PNPLA2: variants seen among roughly 807,000 people sequenced by gnomAD.
The protein encoded by PNPLA2 is patatin-like phospholipase domain-containing protein 2.
PNPLA2 carries 28 observed loss-of-function variants against 39.7 expected under a neutral mutation model. The ratio of observed to expected loss-of-function variants is 0.70; its 90% CI spans 0.52 to 0.97. The LOEUF (loss-of-function observed/expected upper bound fraction) is 0.97. PNPLA2 is among the 50% of genes least tolerant of loss of function. PNPLA2 has a pLI of 0.00. For synonymous variants in PNPLA2, 392 were observed against 321.1 expected (o/e 1.22, Z -2.36); for missense variants, 768 against 698.2 (o/e 1.10, Z -1.13).
Position 824,118 on chromosome 11 carries a change from CCTT to C in PNPLA2, c.1042_1044del (p.Phe348del), listed in dbSNP as rs1365885268. 2 of 1,597,850 alleles carry C rather than the reference CCTT, an allele frequency of 1.3e-6. No individual in the cohort carries two copies. Among genetic ancestry groups the C allele is most frequent in the African/African-American group, 2.7e-5 (2 of 74,760 alleles). On this transcript the variant is annotated inframe_deletion, in exon 8 of 10. Coordinates refer to ENST00000336615, the MANE Select transcript of PNPLA2 (RefSeq NM_020376.4). ...ACGCTGCCGCTGGAGAGCGCTCTGT[CCTT>C]CACCATCCGGTGTGAGGGCTGGGGG...
chr11:824,020 G>A lies in PNPLA2; in HGVS notation c.942G>A (p.Glu314=), dbSNP rs1207406521. The A allele has an allele frequency of 1.2e-6, 2 of 1,609,630 alleles. No individual in the cohort carries two copies. Among genetic ancestry groups the A allele is most frequent in the Non-Finnish European group, 1.7e-6 (2 of 1,179,236 alleles). The part of the protein sequence containing the change: ...LNEALLEACV[E]PTDLLTTLSN... ...CAGCCCTGCTGGAGGCCTGCGTGGA[G>A]CCCACGGACCTGCTGACCACCCTCT... Residue 314 remains glutamate, a synonymous_variant, in exon 8 of 10, where the codon GAG becomes GAA. Transcript: ENST00000336615.
In PNPLA2 at chr11:824,371, G is replaced by C; in HGVS notation, c.1110G>C (p.Thr370=). Residue 370 remains threonine (T), a synonymous_variant, in exon 9 of 10, where the codon ACG becomes ACC. Coordinates refer to ENST00000336615, the MANE Select transcript of PNPLA2 (RefSeq NM_020376.4). The part of the protein sequence containing the change: ...PEDIRWMKEQ[T]GSICQYLVMR... The stretch of plus-strand genomic sequence containing the variant: ...ACATCCGGTGGATGAAGGAGCAGAC[G>C]GGCAGCATCTGCCAGTACCTGGTGA... 1 of 1,551,468 alleles carries C rather than the reference G, an allele frequency of 6.4e-7. No homozygotes were observed. The highest frequency in any genetic ancestry group is 8.7e-7 in the Non-Finnish European group (1 of 1,147,714).
Position 819,661 on chromosome 11 carries a change from G to A in PNPLA2, c.-58G>A. The A allele has an allele frequency of 7.0e-7, 1 of 1,424,782 alleles. No homozygotes were observed. Among genetic ancestry groups the A allele is most frequent in the Non-Finnish European group, 9.2e-7 (1 of 1,083,176 alleles). The allele number at this position is 1,424,782 out of a possible 1,614,324, so 88.3% of individuals were successfully genotyped here. A position where few individuals can be genotyped will look rare whatever the true frequency, so the allele number is the denominator to read the frequency against. On this transcript the variant is annotated 5_prime_UTR_variant, in exon 2 of 10. Coordinates refer to ENST00000336615, the MANE Select transcript of PNPLA2 (RefSeq NM_020376.4). ...GGCTCCAGCGAGCGAGCGGCGAGCA[G>A]GCGGCTCACAGAGGCCTGGCCGCCC...
chr11:823,959 G>A (rs547562607), intron 7 of PNPLA2, 39 bp from the exon 8 acceptor site: 6 of 1,563,302 alleles, frequency 3.8e-6, no homozygotes, highest in African/African-American at 1.4e-5. Context: ...CCTGGGCCCC[G>A]CTGCCTCCAC....
In PNPLA2 at chr11:824,828, AGGCCCGGCCCGTGATCGG is replaced by A. The variant is rs747915336; in HGVS notation, c.1487_1504del (p.Arg496_Ala501del). ...CCCTTGCTGAGCACCCCTGCTCCCG[AGGCCCGGCCCGTGATCGG>A]GGCCCTGGGGCTGTGAGACCCCGAC... On this transcript the variant is annotated inframe_deletion, in exon 10 of 10. Coordinates refer to ENST00000336615, the MANE Select transcript of PNPLA2 (RefSeq NM_020376.4). The A allele has an allele frequency of 5.1e-5, 79 of 1,534,660 alleles. No homozygotes were observed. The highest frequency in any genetic ancestry group is 9.8e-5 in the Admixed American group (5 of 50,910).
Position 824,419 on chromosome 11 carries a change from C to A in PNPLA2, c.1158C>A (p.Gly386=). Residue 386 remains glycine (G), a synonymous_variant, in exon 9 of 10, where the codon GGC becomes GGA. Coordinates refer to ENST00000336615, the MANE Select transcript of PNPLA2 (RefSeq NM_020376.4). ...TGATGCGCGCCAAGAGGAAGCTGGG[C>A]AGGCACCTGCCCTCCAGGTGAGCCG... ...YLVMRAKRKL[G]RHLPSRLPEQ... 2 of 1,554,742 alleles carry A rather than the reference C, an allele frequency of 1.3e-6. No individual in the cohort carries two copies. The highest frequency in any genetic ancestry group is 4.8e-5 in the East Asian group (2 of 41,278).
intron 9 of PNPLA2, 22 bp from the exon 10 acceptor site, chr11:824,501 C>G: frequency 6.5e-7 from 1 of 1,544,718 alleles, no homozygotes; most frequent in Non-Finnish European, 8.7e-7. Flanking sequence ...GAAGCCCTCC[C>G]TGCCGCATCC....
In PNPLA2 at chr11:823,734, CG is replaced by C. The variant is rs1845756775; in HGVS notation, c.799del (p.Ala267ProfsTer53). On this transcript the variant is annotated frameshift_variant, in exon 7 of 10. Coordinates refer to ENST00000336615, the MANE Select transcript of PNPLA2 (RefSeq NM_020376.4). LOFTEE classifies it high-confidence loss of function. ...CCAACCCCTTGCTGGCGTTGCCCCC[CG>C]CCCGCCCCCACGGCCCAGAGGACAA... ...RPNPLLALPP[A>X]RPHGPEDKDQ... 3 of 1,606,502 alleles carry C rather than the reference CG, an allele frequency of 1.9e-6. No individual in the cohort carries two copies. The highest frequency in any genetic ancestry group is 2.5e-6 in the Non-Finnish European group (3 of 1,176,656).
At position 823,742 on chromosome 11, in the gene PNPLA2, C is replaced by A; in HGVS notation, c.806C>A (p.Pro269His). 2 of 1,607,648 alleles carry A rather than the reference C, an allele frequency of 1.2e-6. No homozygotes were observed. Among genetic ancestry groups the A allele is most frequent in the Non-Finnish European group, 1.7e-6 (2 of 1,177,368 alleles). ...NPLLALPPAR[P>H]HGPEDKDQAV... Reference sequence around the variant, plus strand: ...TTGCTGGCGTTGCCCCCCGCCCGCCCCCACGGCCCAGAGGACAAGGACCAG... The same window carrying A: ...TTGCTGGCGTTGCCCCCCGCCCGCCACCACGGCCCAGAGGACAAGGACCAG... Residue 269 changes from proline (P) to histidine (H), a missense_variant, in exon 7 of 10, where the codon CCC becomes CAC. Physicochemically the swap from Pro to His is moderately conservative, Grantham distance 77 (BLOSUM62 -2). Coordinates refer to ENST00000336615, the MANE Select transcript of PNPLA2 (RefSeq NM_020376.4).
Position 824,649 on chromosome 11 carries a change from C to G in PNPLA2, c.1302C>G (p.Ala434=), listed in dbSNP as rs762562745. Reference sequence around the variant, plus strand: ...ACCTCTCGCTGGGGGACGCGCTGGCCAAGTGGGAGGAGTGCCAGCGCCAGC... The same window carrying G: ...ACCTCTCGCTGGGGGACGCGCTGGCGAAGTGGGAGGAGTGCCAGCGCCAGC... The part of the protein sequence containing the change: ...RNNLSLGDAL[A]KWEECQRQLL... Residue 434 remains alanine, a synonymous_variant, in exon 10 of 10, where the codon GCC becomes GCG. Coordinates refer to ENST00000336615, the MANE Select transcript of PNPLA2 (RefSeq NM_020376.4). 3 of 1,597,644 alleles carry G rather than the reference C, an allele frequency of 1.9e-6. No individual in the cohort carries two copies. The highest frequency in any genetic ancestry group is 8.5e-7 in the Non-Finnish European group (1 of 1,177,538).
At chr11:820,107 G>T (rs987352167) in intron 2 of PNPLA2, among the ~76,000 whole-genome samples, 2 of 152,254 alleles carry the variant, frequency 1.3e-5, no homozygotes, top group African/African-American at 4.8e-5. Flanking sequence ...TGCTCCGAGG[G>T]TGCCCGGGGC....
chr11:821,751 C>G lies in PNPLA2; in HGVS notation c.311C>G (p.Ala104Gly), dbSNP rs1349735501. 6.2e-7 allele frequency: 1 copy of G among 1,613,890 alleles called. No individual in the cohort carries two copies. The highest frequency in any genetic ancestry group is 1.3e-5 in the African/African-American group (1 of 74,920). Reference protein sequence around the residue: ...IRSFLLKVLPADSHEHASGRL... With the variant: ...IRSFLLKVLPGDSHEHASGRL... ...AGTTTCCTGCTGAAGGTCCTGCCTGCTGATAGCCATGAGCATGCCAGTGGG... is the reference window on the plus strand; with the variant it reads ...AGTTTCCTGCTGAAGGTCCTGCCTGGTGATAGCCATGAGCATGCCAGTGGG... Residue 104 changes from alanine (A) to glycine (G), a missense_variant, in exon 3 of 10, where the codon GCT becomes GGT. Physicochemically the swap from Ala to Gly is moderately conservative, Grantham distance 60 (BLOSUM62 0). Coordinates refer to ENST00000336615, the MANE Select transcript of PNPLA2 (RefSeq NM_020376.4).
In PNPLA2 at chr11:824,107, G is replaced by C; in HGVS notation, c.1029G>C (p.Glu343Asp). The part of the protein sequence containing the change: ...AMMVPYTLPL[E>D]SALSFTIRLL... ...TGGTGCCCTACACGCTGCCGCTGGA[G>C]AGCGCTCTGTCCTTCACCATCCGGT... The change falls in exon 8 of 10, where the codon GAG (glutamate) becomes GAC (aspartate). Residue 343 changes from glutamate (E) to aspartate (D), a missense_variant. Physicochemically the swap from Glu to Asp is conservative, Grantham distance 45 (BLOSUM62 2). Transcript: ENST00000336615. The C allele has an allele frequency of 6.2e-7, 1 of 1,601,116 alleles. No homozygotes were observed. The highest frequency in any genetic ancestry group is 1.1e-5 in the South Asian group (1 of 88,980).
chr11:823,652 C>T, intron 6 of PNPLA2, 42 bp from the exon 7 acceptor site: 1 of 1,600,924 alleles, frequency 6.2e-7, no homozygotes. Context: ...CGGGCCGCGG[C>T]CGCGCTGATG....
Position 824,099 on chromosome 11 carries a change from C to T in PNPLA2, c.1021C>T (p.Pro341Ser), listed in dbSNP as rs763909581. Reference sequence around the variant, plus strand: ...GGCCATGATGGTGCCCTACACGCTGCCGCTGGAGAGCGCTCTGTCCTTCAC... The same window carrying T: ...GGCCATGATGGTGCCCTACACGCTGTCGCTGGAGAGCGCTCTGTCCTTCAC... ...ATAMMVPYTL[P>S]LESALSFTIR... The change falls in exon 8 of 10, where the codon CCG (proline) becomes TCG (serine). Residue 341 changes from proline to serine, a missense_variant. By Grantham distance (74) the Pro-to-Ser change is moderately conservative (BLOSUM62 -1). Coordinates refer to ENST00000336615, the MANE Select transcript of PNPLA2 (RefSeq NM_020376.4). 6.9e-6 allele frequency: 11 copies of T among 1,603,278 alleles called. No homozygotes were observed. Among genetic ancestry groups the T allele is most frequent in the Non-Finnish European group, 8.5e-6 (10 of 1,176,242 alleles).
chr11:824,047 C>CT lies in PNPLA2; in HGVS notation c.969_970insT (p.Asn324Ter), dbSNP rs1845776088. 6.2e-7 allele frequency: 1 copy of CT among 1,610,814 alleles called. No individual in the cohort carries two copies. Among genetic ancestry groups the CT allele is most frequent in the Non-Finnish European group, 8.5e-7 (1 of 1,179,484 alleles). On this transcript the variant is annotated frameshift_variant, in exon 8 of 10. Coordinates refer to ENST00000336615, the MANE Select transcript of PNPLA2 (RefSeq NM_020376.4). LOFTEE classifies it high-confidence loss of function. ...CCACGGACCTGCTGACCACCCTCTC[C>CT]AACATGCTGCCTGTGCGTCTGGCCA...
intron 8 of PNPLA2, 75 bp from the exon 9 acceptor site, chr11:824,239 G>C (rs1241381836): frequency 6.5e-7 from 1 of 1,548,260 alleles, no homozygotes; most frequent in East Asian, 2.4e-5. Flanking sequence ...GCCAAGTCAG[G>C]GCACAGACAG....
rs1398922597 is a variant in PNPLA2 at position 822,017 on chromosome 11, G to C, written c.480G>C (p.Gln160His). ...GTGGGCTCATCCCTCCCTCCCTCCA[G>C]GGGGTGGTGAGTATTCCTAGCCCTG... ...VYCGLIPPSL[Q>H]GVRYVDGGIS... Residue 160 changes from glutamine (Q) to histidine (H), a missense_variant, in exon 4 of 10, where the codon CAG (glutamine) becomes CAC (histidine). Gln to His is a conservative substitution (Grantham distance 24). Coordinates refer to ENST00000336615, the MANE Select transcript of PNPLA2 (RefSeq NM_020376.4). 2 of 1,613,624 alleles carry C rather than the reference G, an allele frequency of 1.2e-6. No homozygotes were observed. Among genetic ancestry groups the C allele is most frequent in the Non-Finnish European group, 1.7e-6 (2 of 1,179,800 alleles).
chr11:823,716 C>T lies in PNPLA2; in HGVS notation c.780C>T (p.Pro260=), dbSNP rs1565088654. 6.2e-7 allele frequency: 1 copy of T among 1,608,606 alleles called. No individual in the cohort carries two copies. The highest frequency in any genetic ancestry group is 2.2e-5 in the East Asian group (1 of 44,730). ...CAGGCCTCCTGAACCGGCCCAACCC[C>T]TTGCTGGCGTTGCCCCCCGCCCGCC... ...QRNGLLNRPN[P]LLALPPARPH... is the part of the protein sequence containing the mutation. Residue 260 remains proline (P), a synonymous_variant, in exon 7 of 10, where the codon CCC becomes CCT. Transcript: ENST00000336615.
Sources: allele counts gnomAD v4.1 joint callset (sites outside exome capture counted in the v4.1 genomes callset), GRCh38; gene constraint gnomAD v4.1.1; transcripts MANE v1.5; gene names NCBI Gene and HGNC (gene_info 2026-07-23, HGNC 2026-07-21).